The following CACNA1G variants were observed in gnomAD, a reference collection of about 807,000 sequenced individuals.
CACNA1G encodes the protein voltage-dependent T-type calcium channel subunit alpha-1G.
Under a neutral mutation model 219.4 loss-of-function variants are expected in CACNA1G, and 67 were observed. That is an observed-to-expected ratio of 0.31 (90% CI 0.25 to 0.37). The LOEUF (loss-of-function observed/expected upper bound fraction) is 0.37. Among genes scored for constraint, CACNA1G ranks in the 10% least tolerant of loss-of-function variants. The probability of loss-of-function intolerance (pLI) is 1.00; values close to 1 mark genes in which losing one functional copy is unlikely to be tolerated. For synonymous variants in CACNA1G, 1,296 were observed against 1,345.3 expected, an observed-to-expected ratio of 0.96 and a Z score of 0.80; for missense variants, 2,380 against 3,231.4, an observed-to-expected ratio of 0.74 and a Z score of 6.39.
chr17:50,588,512 T>TG, intron 9 of CACNA1G, among the ~76,000 whole-genome samples: 1 of 152,276 alleles, frequency 6.6e-6, no homozygotes. Flanking sequence ...CTTAGCCAGG[T>TG]GGGGTCTGAG....
chr17:50,606,068 A>C, intron 23 of CACNA1G, 45 bp downstream of exon 23: 2 of 1,613,262 alleles, frequency 1.2e-6, no homozygotes, highest in Non-Finnish European at 1.7e-6. Flanking sequence ...AGGAGGCTGG[A>C]GGGGGCACAG....
In CACNA1G at chr17:50,569,607, G is replaced by A. The variant is rs958023164; in HGVS notation, c.489-99G>A. 1.8e-5 allele frequency: 15 copies of A among 842,250 alleles called. No individual in the cohort carries two copies. In the African/African-American group the frequency reaches 2.5e-4, roughly 14 times the overall value. The allele number at this position is 842,250 out of a possible 1,614,324, so 52.2% of individuals were successfully genotyped here. A position where few individuals can be genotyped will look rare whatever the true frequency, so the allele number is the denominator to read the frequency against. ...GGTGAAGAAGAAGAAGGAGTCAGAGGTCATCCTGCTGCCCCTAAAGCAGGA... is the reference window on the plus strand; with the variant it reads ...GGTGAAGAAGAAGAAGGAGTCAGAGATCATCCTGCTGCCCCTAAAGCAGGA... On this transcript the variant is annotated intron_variant, in intron 3 of 37. Coordinates refer to ENST00000359106, the MANE Select transcript of CACNA1G (RefSeq NM_018896.5).
At chr17:50,608,549 T>TA (rs2048456190) in intron 25 of CACNA1G, among the ~76,000 whole-genome samples, 1 of 150,298 alleles carries the variant, frequency 6.7e-6, no homozygotes, top group African/African-American at 2.4e-5. Flanking sequence ...TATATATATA[T>TA]TTCTGCTAAA....
At position 50,617,723 on chromosome 17, in the gene CACNA1G, C is replaced by G; in HGVS notation, c.5156-136C>G. 1 of 1,427,254 alleles carries G rather than the reference C, an allele frequency of 7.0e-7. No individual in the cohort carries two copies. Among genetic ancestry groups the G allele is most frequent in the Non-Finnish European group, 9.6e-7 (1 of 1,041,292 alleles). The allele number at this position is 1,427,254 out of a possible 1,614,324, so 88.4% of individuals were successfully genotyped here. On this transcript the variant is annotated intron_variant, in intron 29 of 37. Coordinates refer to ENST00000359106, the MANE Select transcript of CACNA1G (RefSeq NM_018896.5). The surrounding 1 kb of genome is among the most constrained non-coding windows in gnomAD (Gnocchi z 5.8). ...CTGCCAAGGGAGGCTGGAGACAGGG[C>G]TGAGGATGGGGATGCAACCTGGCTG...
At chr17:50,614,652 C>A (rs1340631657) in intron 26 of CACNA1G, among the ~76,000 whole-genome samples, 4 of 152,226 alleles carry the variant, frequency 2.6e-5, no homozygotes, top group Non-Finnish European at 5.9e-5. Flanking sequence ...TCTAAGGCTG[C>A]CCAAACACCC....
chr17:50,619,342 T>C (rs1483107351), intron 33 of CACNA1G, among the ~76,000 whole-genome samples: 2 of 152,180 alleles, frequency 1.3e-5, no homozygotes, highest in Non-Finnish European at 2.9e-5. Flanking sequence ...GCCAAATCTC[T>C]TTCCTACCCA....
At chr17:50,598,122 G>T (rs1014744401) in intron 16 of CACNA1G, among the ~76,000 whole-genome samples, 12 of 152,162 alleles carry the variant, frequency 7.9e-5, no homozygotes, top group Non-Finnish European at 1.5e-4. Context: ...CTGCCTCCCA[G>T]GTTCGAGTGA....
At chr17:50,582,890 C>A (rs952581597) in intron 9 of CACNA1G, among the ~76,000 whole-genome samples, 1 of 151,968 alleles carries the variant, frequency 6.6e-6, no homozygotes, top group African/African-American at 2.4e-5. Context: ...TGACTCTGCT[C>A]ATTGCTCACA....
chr17:50,584,018 G>A (rs1294889472), intron 9 of CACNA1G, among the ~76,000 whole-genome samples: 2 of 152,162 alleles, frequency 1.3e-5, no homozygotes, highest in African/African-American at 2.4e-5. Context: ...AGGGAGGAAG[G>A]GTGGGCAAGA....
Position 50,596,898 on chromosome 17 carries a change from GGGC to G in CACNA1G, c.3237_3239del (p.Ala1080del), listed in dbSNP as rs752821139. On this transcript the variant is annotated inframe_deletion, in exon 16 of 38. Transcript: ENST00000359106. The surrounding 1 kb of genome is among the most constrained non-coding windows in gnomAD (Gnocchi z 4.8). ...AGCAGCAGCGGGTCGGCAGAGCCTG[GGGC>G]GGCCCACGAGATGAAGTCACCGGTA... 3.2e-6 allele frequency: 5 copies of G among 1,572,250 alleles called. No homozygotes were observed. In the South Asian group the frequency reaches 5.8e-5, roughly 18 times the overall value.
At position 50,578,907 on chromosome 17, in the gene CACNA1G, A is replaced by G. The variant is rs568508957; in HGVS notation, c.2301+343A>G. Among the ~76,000 whole-genome samples, 1 of 152,076 alleles carries G rather than the reference A, an allele frequency of 6.6e-6. No homozygotes were observed. The highest frequency in any genetic ancestry group is 1.9e-4 in the East Asian group (1 of 5,160). ...CTGGGAGATGTTTGGGTCTTTGGAG[A>G]AGGTGTAGTGCGGAGGGCGGGTGTT... On this transcript the variant is annotated intron_variant, in intron 9 of 37. Coordinates refer to ENST00000359106, the MANE Select transcript of CACNA1G (RefSeq NM_018896.5). The surrounding 1 kb of genome is among the most constrained non-coding windows in gnomAD (Gnocchi z 4.5).
chr17:50,573,063 A>T lies in CACNA1G; in HGVS notation c.1090A>T (p.Met364Leu), dbSNP rs1162165982. 1 of 1,578,560 alleles carries T rather than the reference A, an allele frequency of 6.3e-7. No homozygotes were observed. Among genetic ancestry groups the T allele is most frequent in the East Asian group, 2.3e-5 (1 of 43,404 alleles). The stretch of plus-strand genomic sequence containing the variant: ...CTGGGTCGACATCATGTACTTTGTG[A>T]TGGATGCTCATTCCTTCTACAATTT... ...EGWVDIMYFV[M>L]DAHSFYNFIY... The change falls in exon 7 of 38, where the codon ATG (methionine) becomes TTG (leucine). Residue 364 changes from methionine to leucine, a missense_variant. Transcript: ENST00000359106.
chr17:50,622,168 C>CCG (rs2052298857), intron 35 of CACNA1G, among the ~76,000 whole-genome samples: 1 of 149,202 alleles, frequency 6.7e-6, no homozygotes, highest in Non-Finnish European at 1.5e-5. Context: ...GTGCCTGTTC[C>CCG]CCTCCTCCCC....
At chr17:50,595,925 A>G (rs198533) in intron 14 of CACNA1G, among the ~76,000 whole-genome samples, 150,347 of 152,358 alleles carry the variant, frequency 0.99, 74,187 homozygotes, top group East Asian at 1. Context: ...AAGGAGAAGT[A>G]TGTAATTACT....
chr17:50,571,310 T>C lies in CACNA1G; in HGVS notation c.587-568T>C, dbSNP rs1174022409. 6.6e-6 allele frequency among the ~76,000 whole-genome samples: 1 copy of C among 152,220 alleles called. No homozygotes were observed. The highest frequency in any genetic ancestry group is 1.5e-5 in the Non-Finnish European group (1 of 68,046). On this transcript the variant is annotated intron_variant, in intron 4 of 37. Transcript: ENST00000359106. The surrounding 1 kb of genome is among the most constrained non-coding windows in gnomAD (Gnocchi z 4.3). ...CTCTCAAAATGAGATTCCTGCCTGC[T>C]GTCATTCCTCCTGGAGTTCGCTGCC...
rs1174711056 is a variant in CACNA1G, at chr17:50,607,983, G to A, written c.4669G>A (p.Glu1557Lys). 3.7e-6 allele frequency: 6 copies of A among 1,613,052 alleles called. No individual in the cohort carries two copies. Among genetic ancestry groups the A allele is most frequent in the South Asian group, 1.1e-5 (1 of 90,942 alleles). ...GGAAGAGGAGGCCCGGCGGCGGGAG[G>A]AGAAGCGCCTACGAAGACTGGAGAA... ...QEEEEARRRE[E>K]KRLRRLEKKR... is the part of the protein sequence containing the mutation. Residue 1557 changes from glutamate (E) to lysine (K), a missense_variant, in exon 25 of 38, where the codon GAG becomes AAG. Physicochemically the swap from Glu to Lys is moderately conservative, Grantham distance 56. Coordinates refer to ENST00000359106, the MANE Select transcript of CACNA1G (RefSeq NM_018896.5).
chr17:50,624,293 C>A, intron 36 of CACNA1G, 67 bp from the exon 37 acceptor site: 1 of 1,380,930 alleles, frequency 7.2e-7, no homozygotes, highest in Non-Finnish European at 1.0e-6. Context: ...AGGTGAGAAC[C>A]TGCTCCCCTG....
At chr17:50,582,816 G>A (rs2042232955) in intron 9 of CACNA1G, among the ~76,000 whole-genome samples, 1 of 152,064 alleles carries the variant, frequency 6.6e-6, no homozygotes, top group South Asian at 2.1e-4. Flanking sequence ...GCTGTAGACG[G>A]GGAGAGGAAG....
chr17:50,586,322 C>T (rs1350853066), intron 9 of CACNA1G, among the ~76,000 whole-genome samples: 1 of 152,210 alleles, frequency 6.6e-6, no homozygotes, highest in African/African-American at 2.4e-5. Flanking sequence ...GCCCTGCCGA[C>T]CTTGTAGCCT....
Sources: gnomAD v4.1 joint callset for allele counts (sites outside exome capture counted in the v4.1 genomes callset) on GRCh38, gnomAD v4.1.1 for gene constraint, Gnocchi (gnomAD v3.1) non-coding constraint, MANE v1.5 for transcripts, NCBI Gene and HGNC (gene_info 2026-07-23, HGNC 2026-07-21) for gene names.